Variants in ASTN2 observed in about 807,000 individuals in gnomAD.
The protein encoded by ASTN2 is astrotactin-2.
In ASTN2, 54 loss-of-function variants were observed where a neutral mutation model predicts 139.8. That is an observed-to-expected ratio of 0.39 (90% CI 0.31 to 0.48). The LOEUF (loss-of-function observed/expected upper bound fraction) is 0.48. Among genes scored for constraint, ASTN2 ranks in the 20% least tolerant of loss-of-function variants. The probability of loss-of-function intolerance (pLI) is 0.95; values close to 1 mark genes in which losing one functional copy is unlikely to be tolerated. For missense variants in ASTN2, 1,565 were observed against 1,725.1 expected (o/e 0.91, Z 1.64); for synonymous variants, 756 against 719.5 (o/e 1.05, Z -0.81).
intron 3 of ASTN2, among the ~76,000 whole-genome samples, chr9:117,172,752 A>G (rs1830824054): frequency 6.6e-6 from 1 of 152,168 alleles, no homozygotes; most frequent in Non-Finnish European, 1.5e-5. Context: ...ATTTCATTCA[A>G]CAATTCATTC....
chr9:116,930,957 A>G (rs1340369226), intron 10 of ASTN2, among the ~76,000 whole-genome samples: 4 of 151,312 alleles, frequency 2.6e-5, no homozygotes, highest in Non-Finnish European at 2.9e-5. Context: ...AGTCCTTCCC[A>G]TCAACTTCTG....
Position 116,724,791 on chromosome 9 carries a change from G to T in ASTN2, c.2806+980C>A, listed in dbSNP as rs114836135. 4.3e-3 allele frequency among the ~76,000 whole-genome samples: 648 copies of T among 152,264 alleles called. 7 individuals are homozygous for T. Among genetic ancestry groups the T allele is most frequent in the African/African-American group, 0.015 (613 of 41,552 alleles). ...TCTTCACCCTTTCCATCAATTGAGAGACTTTCTTTTACAAATAGTTGATAA... is the reference window on the plus strand; with the variant it reads ...TCTTCACCCTTTCCATCAATTGAGATACTTTCTTTTACAAATAGTTGATAA... On this transcript the variant is annotated intron_variant, in intron 16 of 22. Transcript: ENST00000313400.
chr9:117,320,671 C>T (rs1828297427), intron 1 of ASTN2, among the ~76,000 whole-genome samples: 1 of 152,162 alleles, frequency 6.6e-6, no homozygotes, highest in Non-Finnish European at 1.5e-5. Flanking sequence ...CCTTTCAAGG[C>T]ACTCTGGGGA....
At chr9:116,514,561 G>T (rs1056552048) in intron 19 of ASTN2, among the ~76,000 whole-genome samples, 1 of 152,192 alleles carries the variant, frequency 6.6e-6, no homozygotes, top group African/African-American at 2.4e-5. Flanking sequence ...AGTATGCAGA[G>T]GTTTCTGCTG....
In ASTN2 at chr9:116,998,703, A is replaced by G. The variant is rs937034052; in HGVS notation, c.1591+9389T>C. On this transcript the variant is annotated intron_variant, in intron 7 of 22. Coordinates refer to ENST00000313400, the MANE Select transcript of ASTN2 (RefSeq NM_001365068.1). ...AGACTTTTATAATGTATATACCCAT[A>G]TACAAATGTCCCCTCTACAGTCTGC... Among the ~76,000 whole-genome samples, 7 of 152,202 alleles carry G rather than the reference A, an allele frequency of 4.6e-5. 1 individual carries two copies. Among genetic ancestry groups the G allele is most frequent in the African/African-American group, 1.7e-4 (7 of 41,460 alleles).
intron 19 of ASTN2, among the ~76,000 whole-genome samples, chr9:116,566,838 T>A (rs1853257203): frequency 6.6e-6 from 1 of 152,198 alleles, no homozygotes; most frequent in Admixed American, 6.5e-5. Context: ...GGCAGCAGCC[T>A]GGGATGCTTC....
At chr9:117,346,037 A>C (rs1200051495) in intron 1 of ASTN2, among the ~76,000 whole-genome samples, 1 of 151,316 alleles carries the variant, frequency 6.6e-6, no homozygotes, top group Non-Finnish European at 1.5e-5. Flanking sequence ...GGAAAAGGAA[A>C]AATTATACCA....
At chr9:116,922,834 T>C (rs565075911) in intron 10 of ASTN2, among the ~76,000 whole-genome samples, 1 of 152,312 alleles carries the variant, frequency 6.6e-6, no homozygotes, top group South Asian at 2.1e-4. Flanking sequence ...AAATATGTAC[T>C]TTGGGGTGGG....
chr9:117,240,942 ACTGT>A (rs1294760840), intron 2 of ASTN2, among the ~76,000 whole-genome samples: 1 of 152,050 alleles, frequency 6.6e-6, no homozygotes, highest in Non-Finnish European at 1.5e-5. Context: ...TCTCTCAATG[ACTGT>A]CTGAGTCCTG....
At chr9:116,771,184 C>T (rs1311665830) in intron 13 of ASTN2, among the ~76,000 whole-genome samples, 1 of 152,206 alleles carries the variant, frequency 6.6e-6, no homozygotes, top group East Asian at 1.9e-4. Flanking sequence ...CCTTGCACTT[C>T]ATGCTTCCTC....
chr9:116,481,552 C>G (rs769845711), intron 20 of ASTN2, among the ~76,000 whole-genome samples: 3 of 152,172 alleles, frequency 2.0e-5, no homozygotes, highest in Non-Finnish European at 4.4e-5. Context: ...TATTGCCTTT[C>G]CTGTTGCTGC....
intron 19 of ASTN2, among the ~76,000 whole-genome samples, chr9:116,508,473 T>C (rs1850209344): frequency 6.6e-6 from 1 of 152,092 alleles, no homozygotes; most frequent in Non-Finnish European, 1.5e-5. Context: ...GGTAGAAGTG[T>C]GTGTGAGTGT....
chr9:117,207,225 G>A (rs1831957399), intron 3 of ASTN2, among the ~76,000 whole-genome samples: 1 of 152,074 alleles, frequency 6.6e-6, no homozygotes, highest in Non-Finnish European at 1.5e-5. Flanking sequence ...CCCACAGGTT[G>A]GATGAGCAGC....
chr9:116,631,134 G>T (rs1037518795), intron 17 of ASTN2, among the ~76,000 whole-genome samples: 6 of 152,098 alleles, frequency 3.9e-5, no homozygotes, highest in Non-Finnish European at 8.8e-5. Flanking sequence ...AGCTATCATA[G>T]AAAACAGTAT....
chr9:117,016,649 T>TGTTAC (rs1357175232), intron 6 of ASTN2, among the ~76,000 whole-genome samples: 7,406 of 115,204 alleles, frequency 0.064, 1,366 homozygotes, highest in Middle Eastern at 0.11. Flanking sequence ...TATATATATA[T>TGTTAC]ATATATAACC....
At chr9:117,100,975 G>T (rs1180014135) in intron 4 of ASTN2, among the ~76,000 whole-genome samples, 1 of 152,176 alleles carries the variant, frequency 6.6e-6, no homozygotes, top group Non-Finnish European at 1.5e-5. Flanking sequence ...CAGGGCATTT[G>T]ATCTCTCTGA....
At chr9:117,355,589 G>A (rs574615965) in intron 1 of ASTN2, among the ~76,000 whole-genome samples, 1 of 152,174 alleles carries the variant, frequency 6.6e-6, no homozygotes, top group Admixed American at 6.5e-5. Context: ...AGGCTGAGGG[G>A]CTGCCAGGAC....
chr9:116,445,543 C>T (rs997813559), intron 20 of ASTN2, among the ~76,000 whole-genome samples: 3 of 152,140 alleles, frequency 2.0e-5, no homozygotes, highest in African/African-American at 7.2e-5. Context: ...CAAGAGGGCC[C>T]AGGGTCATCT....
chr9:116,618,596 G>T, intron 18 of ASTN2, 124 bp from the exon 19 acceptor site: 1 of 1,182,944 alleles, frequency 8.5e-7, no homozygotes, highest in Non-Finnish European at 1.2e-6. Context: ...TTCCACCCAT[G>T]ATCGCCAACT....
Sources: gnomAD v4.1 joint callset for allele counts (sites outside exome capture counted in the v4.1 genomes callset) on GRCh38, gnomAD v4.1.1 for gene constraint, MANE v1.5 for transcripts, NCBI Gene and HGNC (gene_info 2026-07-23, HGNC 2026-07-21) for gene names.